RAP1B: variants seen among roughly 807,000 people sequenced by gnomAD.
The protein encoded by RAP1B is ras-related protein Rap-1b.
In RAP1B, 1 loss-of-function variant was observed where a neutral mutation model predicts 27.5. The ratio of observed to expected loss-of-function variants is 0.04; its 90% CI spans 0.01 to 0.17. The LOEUF is 0.17. Ranked by LOEUF, RAP1B falls within the 10% of genes least tolerant of loss-of-function variation. The pLI is 1.00. For missense variants in RAP1B, 84 were observed against 214.8 expected (o/e 0.39, Z 3.81); for synonymous variants, 75 against 73.1 (o/e 1.03, Z -0.13).
rs1360382357 is a variant in RAP1B, at chr12:68,663,596, T to C, written c.*4347T>C. 2 of 152,218 alleles carry C rather than the reference T, an allele frequency of 1.3e-5. No homozygotes were observed. Among genetic ancestry groups the C allele is most frequent in the African/African-American group, 4.8e-5 (2 of 41,452 alleles). 9.4% of individuals were successfully genotyped at this position (152,218 alleles called of 1,614,324 possible). ...TGCTTATTGCTAAATAGGTCTGTAT[T>C]CTAAATGCTGCCATTTTTTAAAAAA... On this transcript the variant is annotated 3_prime_UTR_variant, in exon 8 of 8. Coordinates refer to ENST00000250559, the MANE Select transcript of RAP1B (RefSeq NM_001010942.3).
chr12:68,651,908 A>G, intron 3 of RAP1B, 87 bp from the exon 4 acceptor site: 1 of 1,030,928 alleles, frequency 9.7e-7, no homozygotes, highest in Admixed American at 2.0e-5. Flanking sequence ...TGTGTGTCTT[A>G]TTTTTGATAC....
chr12:68,654,957 AC>A (rs1874095992), intron 5 of RAP1B, among the ~76,000 whole-genome samples: 1 of 152,206 alleles, frequency 6.6e-6, no homozygotes, highest in South Asian at 2.1e-4. Flanking sequence ...CAGCAGTAGG[AC>A]CCAGGAATTT....
At chr12:68,621,364 A>G (rs1307197152) in intron 1 of RAP1B, 1 of 152,216 alleles carries the variant, frequency 6.6e-6, no homozygotes, top group Non-Finnish European at 1.5e-5. Flanking sequence ...ACTATTATTT[A>G]TAGAGTTTTA....
At chr12:68,613,003 A>G (rs1870714410) in intron 1 of RAP1B, among the ~76,000 whole-genome samples, 1 of 152,240 alleles carries the variant, frequency 6.6e-6, no homozygotes, top group African/African-American at 2.4e-5. Context: ...GTATCAAAAT[A>G]TAACTGAAGA....
intron 3 of RAP1B, 52 bp downstream of exon 3, chr12:68,650,520 AT>A (rs1565671974): frequency 1.5e-6 from 2 of 1,299,550 alleles, no homozygotes; most frequent in Non-Finnish European, 1.0e-6. Flanking sequence ...ATAAATACTT[AT>A]TTTAGCTTTA....
chr12:68,627,242 C>T, intron 1 of RAP1B: 2 of 1,311,588 alleles, frequency 1.5e-6, no homozygotes, highest in East Asian at 2.3e-5. Flanking sequence ...AGGACTGTCT[C>T]CAGGGTCCCT....
At chr12:68,617,389 TC>T (rs1382842300) in intron 1 of RAP1B, among the ~76,000 whole-genome samples, 1 of 152,194 alleles carries the variant, frequency 6.6e-6, no homozygotes, top group Non-Finnish European at 1.5e-5. Flanking sequence ...ATGCAGGAAT[TC>T]CTCTGGAATC....
intron 1 of RAP1B, among the ~76,000 whole-genome samples, chr12:68,611,287 C>T (rs1870557130): frequency 6.6e-6 from 1 of 150,618 alleles, no homozygotes; most frequent in Non-Finnish European, 1.5e-5. Flanking sequence ...GGGAGAACAG[C>T]GCGCTTTGCG....
chr12:68,654,798 C>G lies in RAP1B; in HGVS notation c.324+546C>G, dbSNP rs373837241. Among the ~76,000 whole-genome samples, 23 of 152,134 alleles carry G rather than the reference C, an allele frequency of 1.5e-4. No individual in the cohort carries two copies. The East Asian group carries it at 2.9e-3, about 19-fold the overall frequency. On this transcript the variant is annotated intron_variant, in intron 5 of 7. Coordinates refer to ENST00000250559, the MANE Select transcript of RAP1B (RefSeq NM_001010942.3). ...ATTCTAACATTATTAATTTAGGTGC[C>G]CCTTCAGAGTCTACCATAATGGAGT...
rs1407946447 is a variant in RAP1B at position 68,646,448 on chromosome 12, AC to A, written c.-26-2249del. Among the ~76,000 whole-genome samples the A allele has an allele frequency of 3.3e-5, 5 of 152,084 alleles. No homozygotes were observed. The East Asian group carries it at 7.7e-4, about 23-fold the overall frequency. On this transcript the variant is annotated intron_variant, in intron 1 of 7. Transcript: ENST00000250559. The stretch of plus-strand genomic sequence containing the variant: ...GTAGCTGGGATTACATGTGCCCACC[AC>A]CATGCCCAGCTAATTTTTGTACTTT...
chr12:68,631,762 A>G (rs1872253760), intron 1 of RAP1B, among the ~76,000 whole-genome samples: 1 of 151,832 alleles, frequency 6.6e-6, no homozygotes, highest in Non-Finnish European at 1.5e-5. Context: ...CTCCCATAGT[A>G]TTTTGTACAT....
intron 1 of RAP1B, chr12:68,626,880 A>G (rs1006774013): frequency 2.6e-4 from 407 of 1,576,414 alleles, no homozygotes; most frequent in Non-Finnish European, 3.4e-4. Context: ...TCATGAGTGC[A>G]GGGCCCGCCA....
At chr12:68,654,560 C>G (rs1238193740) in intron 5 of RAP1B, among the ~76,000 whole-genome samples, 1 of 151,448 alleles carries the variant, frequency 6.6e-6, no homozygotes, top group Admixed American at 6.6e-5. Context: ...GGTGCGATAG[C>G]TGTACCTCCC....
At chr12:68,623,144 A>C (rs12319230) in intron 1 of RAP1B, among the ~76,000 whole-genome samples, 7,931 of 152,332 alleles carry the variant, frequency 0.052, 674 homozygotes, top group African/African-American at 0.18. Flanking sequence ...TGTTAGGATT[A>C]AATTGAGTAA....
At chr12:68,622,861 G>T (rs1871480494) in intron 1 of RAP1B, among the ~76,000 whole-genome samples, 1 of 152,120 alleles carries the variant, frequency 6.6e-6, no homozygotes, top group Non-Finnish European at 1.5e-5. Flanking sequence ...TCCTTAAACT[G>T]GTTTTTTTCT....
In RAP1B at chr12:68,629,593, A is replaced by T. The variant is rs186199456; in HGVS notation, c.-27+18550A>T. The stretch of plus-strand genomic sequence containing the variant: ...ATATTTTACCCAAGCTGTCCTTTTC[A>T]ATTTTATCTATAAATCTTAAAGTTT... On this transcript the variant is annotated intron_variant, in intron 1 of 7. Coordinates refer to ENST00000250559, the MANE Select transcript of RAP1B (RefSeq NM_001010942.3). Among the ~76,000 whole-genome samples, 9 of 152,280 alleles carry T rather than the reference A, an allele frequency of 5.9e-5. No individual in the cohort carries two copies. The South Asian group carries it at 8.3e-4, about 14-fold the overall frequency.
At chr12:68,624,300 A>AC (rs1405532709) in intron 1 of RAP1B, among the ~76,000 whole-genome samples, 1 of 152,164 alleles carries the variant, frequency 6.6e-6, no homozygotes, top group East Asian at 1.9e-4. Flanking sequence ...CCTAACAAAC[A>AC]CTAACATTTT....
At position 68,649,183 on chromosome 12, in the gene RAP1B, T is replaced by C. The variant is rs925773782; in HGVS notation, c.57+402T>C. 7 of 158,258 alleles carry C rather than the reference T, an allele frequency of 4.4e-5. No individual in the cohort carries two copies. The South Asian group carries it at 1.3e-3, about 29-fold the overall frequency. 9.8% of individuals were successfully genotyped at this position (158,258 alleles called of 1,614,324 possible). A position where few individuals can be genotyped will look rare whatever the true frequency, so the allele number is the denominator to read the frequency against. On this transcript the variant is annotated intron_variant, in intron 2 of 7. Transcript: ENST00000250559. ...TCTCAGCCTCCTGAATGCTTGGGAC[T>C]ACAGGCACGTGCCACCATGCCAGGC...
chr12:68,632,557 G>A (rs772587258), intron 1 of RAP1B, among the ~76,000 whole-genome samples: 1 of 152,174 alleles, frequency 6.6e-6, no homozygotes, highest in Non-Finnish European at 1.5e-5. Context: ...AGGCCAAAAT[G>A]TGGGAAAATT....
Sources: allele counts gnomAD v4.1 joint callset (sites outside exome capture counted in the v4.1 genomes callset), GRCh38; gene constraint gnomAD v4.1.1; transcripts MANE v1.5; gene names NCBI Gene and HGNC (gene_info 2026-07-23, HGNC 2026-07-21).